ABTB3: variants seen among roughly 807,000 people sequenced by gnomAD.
ABTB3 encodes ankyrin repeat and BTB domain containing 3.
At chr12:107,462,018 C>T in the ABTB3 span, among the ~76,000 whole-genome samples, 49 of 152,288 alleles carry the variant, frequency 3.2e-4, no homozygotes, top group Admixed American at 6.5e-4. Context: ...TTGGGAGAAA[C>T]GTCTGAGCCC....
chr12:107,483,297 C>G, the ABTB3 span, among the ~76,000 whole-genome samples: 101 of 152,274 alleles, frequency 6.6e-4, no homozygotes, highest in Admixed American at 4.4e-3. Flanking sequence ...CTTGCCTCAG[C>G]CTCCCAAAGT....
chr12:107,424,753 C>T, the ABTB3 span, among the ~76,000 whole-genome samples: 1 of 152,194 alleles, frequency 6.6e-6, no homozygotes, highest in Non-Finnish European at 1.5e-5. Flanking sequence ...ACCTAGATGA[C>T]CCTCAGAACC....
chr12:107,400,489 A>G, the ABTB3 span, among the ~76,000 whole-genome samples: 17 of 152,300 alleles, frequency 1.1e-4, no homozygotes, highest in African/African-American at 3.4e-4. Flanking sequence ...TTTGCTGAGC[A>G]GGTACAGTGA....
chr12:107,546,491 G>A, the ABTB3 span, among the ~76,000 whole-genome samples: 2 of 152,202 alleles, frequency 1.3e-5, no homozygotes, highest in African/African-American at 4.8e-5. Context: ...TGCATCGTGA[G>A]ATTTCTTTAT....
the ABTB3 span, among the ~76,000 whole-genome samples, chr12:107,326,380 G>A: frequency 6.6e-6 from 1 of 152,122 alleles, no homozygotes; most frequent in Admixed American, 6.5e-5. Flanking sequence ...TTCTACGTGT[G>A]GCCTTCAGTA....
chr12:107,442,311 A>C, the ABTB3 span, among the ~76,000 whole-genome samples: 338 of 152,322 alleles, frequency 2.2e-3, no homozygotes, highest in Middle Eastern at 0.01. Flanking sequence ...ATTTTAATAG[A>C]GTATAGGCTC....
At chr12:107,589,969 G>C in the ABTB3 span, among the ~76,000 whole-genome samples, 1 of 152,236 alleles carries the variant, frequency 6.6e-6, no homozygotes, top group Non-Finnish European at 1.5e-5. Flanking sequence ...AAGTACAGTG[G>C]TGTGATCTTG....
At chr12:107,532,928 T>C in the ABTB3 span, among the ~76,000 whole-genome samples, 1 of 151,976 alleles carries the variant, frequency 6.6e-6, no homozygotes, top group Non-Finnish European at 1.5e-5. Flanking sequence ...TATCCAGCAA[T>C]GCTATCTTTT....
the ABTB3 span, among the ~76,000 whole-genome samples, chr12:107,382,701 G>A: frequency 6.6e-6 from 1 of 151,582 alleles, no homozygotes; most frequent in Non-Finnish European, 1.5e-5. Context: ...ATAAGTGGGA[G>A]TTGAACAATG....
At chr12:107,641,187 C>A in the ABTB3 span, among the ~76,000 whole-genome samples, 1 of 152,166 alleles carries the variant, frequency 6.6e-6, no homozygotes, top group African/African-American at 2.4e-5. Context: ...CCAGTCCCCC[C>A]ACCAAAACCA....
chr12:107,431,924 G>A, the ABTB3 span, among the ~76,000 whole-genome samples: 1 of 152,216 alleles, frequency 6.6e-6, no homozygotes, highest in Non-Finnish European at 1.5e-5. Flanking sequence ...AGGGAATTGA[G>A]GCCCTGAGTT....
chr12:107,434,362 A>G, the ABTB3 span, among the ~76,000 whole-genome samples: 1 of 152,270 alleles, frequency 6.6e-6, no homozygotes, highest in East Asian at 1.9e-4. Flanking sequence ...GCATGCACTG[A>G]AGTGGTAAGT....
chr12:107,435,188 C>A, the ABTB3 span, among the ~76,000 whole-genome samples: 1 of 152,232 alleles, frequency 6.6e-6, no homozygotes, highest in East Asian at 1.9e-4. Flanking sequence ...TGTTGCTGCT[C>A]TGTGGGCACA....
At chr12:107,395,610 G>C in the ABTB3 span, among the ~76,000 whole-genome samples, 2 of 152,222 alleles carry the variant, frequency 1.3e-5, no homozygotes, top group Non-Finnish European at 2.9e-5. Context: ...CCCTGCTCAG[G>C]TGAGTGCTCC....
the ABTB3 span, among the ~76,000 whole-genome samples, chr12:107,349,179 G>A: frequency 6.6e-6 from 1 of 152,210 alleles, no homozygotes; most frequent in Non-Finnish European, 1.5e-5. Context: ...AGCTTCTCAG[G>A]ATGAGCAGCC....
At chr12:107,447,791 C>T in the ABTB3 span, among the ~76,000 whole-genome samples, 2 of 152,106 alleles carry the variant, frequency 1.3e-5, no homozygotes, top group Admixed American at 6.5e-5. Flanking sequence ...TCAGAGGTGC[C>T]AAGAACAGCC....
At chr12:107,559,601 G>A in the ABTB3 span, among the ~76,000 whole-genome samples, 2,432 of 152,308 alleles carry the variant, frequency 0.016, 41 homozygotes, top group Middle Eastern at 0.034. Context: ...GATATTGACA[G>A]CTGCCAGCAC....
At chr12:107,517,490 C>T in the ABTB3 span, among the ~76,000 whole-genome samples, 2 of 152,294 alleles carry the variant, frequency 1.3e-5, no homozygotes, top group Non-Finnish European at 2.9e-5. Flanking sequence ...TTGATTCTTC[C>T]TATCCATGAG....
At chr12:107,586,597 A>G in the ABTB3 span, among the ~76,000 whole-genome samples, 6 of 152,204 alleles carry the variant, frequency 3.9e-5, no homozygotes, top group Non-Finnish European at 7.3e-5. Flanking sequence ...ACTGATGTCA[A>G]TGCATTAGCG....
Sources: allele counts gnomAD v4.1 joint callset (sites outside exome capture counted in the v4.1 genomes callset), GRCh38; gene constraint gnomAD v4.1.1; transcripts MANE v1.5; gene names NCBI Gene and HGNC (gene_info 2026-07-23, HGNC 2026-07-21).